Variants in AGMO observed in about 807,000 individuals in gnomAD.
The protein encoded by AGMO is glyceryl-ether monooxygenase.
A neutral mutation model predicts 60.2 loss-of-function variants in AGMO; 75 were observed. The observed-to-expected ratio is 1.25, with a 90% CI of 1.03 to 1.51. The LOEUF is 1.51. Ranked by LOEUF, AGMO falls within the 40% of genes most tolerant of loss-of-function variation. The pLI, the probability that AGMO is intolerant of heterozygous loss-of-function variation, is 0.00. For missense variants in AGMO, 763 were observed against 525.5 expected (o/e 1.45, Z -4.42); for synonymous variants, 261 against 177.1 (o/e 1.47, Z -3.76).
chr7:15,560,187 C>T lies in AGMO; in HGVS notation c.211G>A (p.Asp71Asn), dbSNP rs759796695. The T allele has an allele frequency of 5.6e-6, 9 of 1,613,214 alleles. No homozygotes were observed. The Admixed American group carries it at 1.5e-4, about 27-fold the overall frequency. Residue 71 changes from aspartate to asparagine, a missense_variant, in exon 2 of 13, where the codon GAT (aspartate) becomes AAT (asparagine). Physicochemically the swap from Asp to Asn is conservative, Grantham distance 23. Transcript: ENST00000342526. ...LKGKPPGRLD[D>N]ALTSISAGVL... ...CCAGCTGAGATTGACGTTAAAGCAT[C>T]ATCCAGGCGACCTGGTGGCTTTCCT...
At chr7:15,365,226 A>C (rs1020139814) in intron 12 of AGMO, among the ~76,000 whole-genome samples, 2 of 151,792 alleles carry the variant, frequency 1.3e-5, no homozygotes, top group Non-Finnish European at 2.9e-5. Flanking sequence ...TTGAGAACCT[A>C]CTACATGGTC....
the AGMO span, among the ~76,000 whole-genome samples, chr7:15,135,340 G>C: frequency 6.6e-6 from 1 of 152,070 alleles, no homozygotes; most frequent in Non-Finnish European, 1.5e-5. Flanking sequence ...CTGCCTCTCT[G>C]TTCAAGGTAT....
chr7:15,144,939 C>T, the AGMO span, among the ~76,000 whole-genome samples: 2 of 152,188 alleles, frequency 1.3e-5, no homozygotes, highest in Non-Finnish European at 2.9e-5. Flanking sequence ...ACGCCATTCT[C>T]CTGCCTCAGC....
intron 12 of AGMO, among the ~76,000 whole-genome samples, chr7:15,218,943 T>G (rs545927235): frequency 6.6e-6 from 1 of 152,130 alleles, no homozygotes; most frequent in Non-Finnish European, 1.5e-5. Context: ...TTCAATGACT[T>G]TGAAGGATAA....
In AGMO at chr7:15,465,685, A is replaced by G. The variant is rs908222328; in HGVS notation, c.410-34577T>C. 3.3e-5 allele frequency among the ~76,000 whole-genome samples: 5 copies of G among 150,888 alleles called. No homozygotes were observed. The South Asian group carries it at 8.3e-4, about 25-fold the overall frequency. On this transcript the variant is annotated intron_variant, in intron 3 of 12. Transcript: ENST00000342526. ...GCTCCAAAACTCCTGGGCTCAAGCAATCGTCTCTCCTCAGCCTCCCAAAAT... is the reference window on the plus strand; with the variant it reads ...GCTCCAAAACTCCTGGGCTCAAGCAGTCGTCTCTCCTCAGCCTCCCAAAAT...
At chr7:15,350,681 G>T (rs1481513900) in intron 12 of AGMO, among the ~76,000 whole-genome samples, 1 of 152,170 alleles carries the variant, frequency 6.6e-6, no homozygotes, top group African/African-American at 2.4e-5. Context: ...AAGCTGGCAT[G>T]AGGGATATTT....
intron 3 of AGMO, among the ~76,000 whole-genome samples, chr7:15,470,031 G>T (rs1782407029): frequency 6.6e-6 from 1 of 152,008 alleles, no homozygotes. Context: ...AACTTTTTAA[G>T]ATTTTTCCAC....
chr7:15,141,069 G>A, the AGMO span, among the ~76,000 whole-genome samples: 557 of 152,152 alleles, frequency 3.7e-3, 3 homozygotes, highest in South Asian at 0.01. Flanking sequence ...TAGGATTCTG[G>A]CATTAATTAA....
intron 12 of AGMO, among the ~76,000 whole-genome samples, chr7:15,250,588 G>A (rs1448486639): frequency 6.7e-6 from 1 of 149,594 alleles, no homozygotes; most frequent in African/African-American, 2.5e-5. Context: ...CACACACTCT[G>A]GTTTATATCA....
chr7:15,171,262 T>C, the AGMO span, among the ~76,000 whole-genome samples: 2 of 152,132 alleles, frequency 1.3e-5, no homozygotes, highest in Admixed American at 6.6e-5. Flanking sequence ...ATTACAGGCT[T>C]GAGCCACCAC....
At chr7:15,120,073 T>C in the AGMO span, among the ~76,000 whole-genome samples, 3 of 152,050 alleles carry the variant, frequency 2.0e-5, no homozygotes, top group African/African-American at 7.2e-5. Flanking sequence ...ATCTTTTCCG[T>C]TGACATAGAC....
chr7:15,178,165 T>G, the AGMO span, among the ~76,000 whole-genome samples: 3 of 152,148 alleles, frequency 2.0e-5, no homozygotes, highest in Non-Finnish European at 4.4e-5. Context: ...CCTTACCATC[T>G]CCTCTTTTTA....
intron 12 of AGMO, among the ~76,000 whole-genome samples, chr7:15,324,979 C>A (rs1308263609): frequency 6.6e-6 from 1 of 151,840 alleles, no homozygotes; most frequent in African/African-American, 2.4e-5. Context: ...CCACTCCAAA[C>A]CAAAGTAAAA....
intron 12 of AGMO, among the ~76,000 whole-genome samples, chr7:15,322,464 AT>A (rs1305624324): frequency 0.011 from 843 of 79,096 alleles, 27 homozygotes; most frequent in African/African-American, 0.035. Flanking sequence ...ATAAATATAT[AT>A]AAATATATAA....
chr7:15,334,236 T>C (rs1052022024), intron 12 of AGMO, among the ~76,000 whole-genome samples: 21 of 151,198 alleles, frequency 1.4e-4, no homozygotes, highest in African/African-American at 5.1e-4. Flanking sequence ...CATATAGAAA[T>C]GTAAAATCTG....
At chr7:15,518,221 G>A (rs1190229476) in intron 3 of AGMO, among the ~76,000 whole-genome samples, 2 of 152,158 alleles carry the variant, frequency 1.3e-5, no homozygotes, top group Non-Finnish European at 2.9e-5. Context: ...GCACCTGGGG[G>A]AAGGGGCAGC....
the AGMO span, among the ~76,000 whole-genome samples, chr7:15,190,148 TA>T: frequency 5.6e-3 from 9 of 1,600 alleles, no homozygotes; most frequent in African/African-American, 0.014. Flanking sequence ...TATATATATA[TA>T]TATATATATT....
rs191840323 is a variant in AGMO, at chr7:15,508,778, C to A, written c.409+35994G>T. ...AACATTTAGAGAGGGGAAAAAAAAA[C>A]CTAACCATATCTTTTGCCACATTCT... On this transcript the variant is annotated intron_variant, in intron 3 of 12. Transcript: ENST00000342526. Among the ~76,000 whole-genome samples the A allele has an allele frequency of 8.0e-3, 1,205 of 151,110 alleles. 16 individuals are homozygous for A. Among genetic ancestry groups the A allele is most frequent in the South Asian group, 0.045 (216 of 4,762 alleles).
intron 12 of AGMO, among the ~76,000 whole-genome samples, chr7:15,220,801 A>T (rs572426241): frequency 6.6e-6 from 1 of 152,282 alleles, no homozygotes; most frequent in South Asian, 2.1e-4. Flanking sequence ...TAAATAGCAT[A>T]TATTTTCAGG....
Sources: allele counts gnomAD v4.1 joint callset (sites outside exome capture counted in the v4.1 genomes callset), GRCh38; gene constraint gnomAD v4.1.1; transcripts MANE v1.5; gene names NCBI Gene and HGNC (gene_info 2026-07-23, HGNC 2026-07-21).